Variants in FOXP1 observed in about 807,000 individuals in gnomAD.
FOXP1 encodes forkhead box P1.
In FOXP1, 15 loss-of-function variants were observed where a neutral mutation model predicts 98.2. The ratio of observed to expected loss-of-function variants is 0.15; its 90% CI spans 0.10 to 0.24. FOXP1 has a LOEUF of 0.24. FOXP1 is among the 10% of genes least tolerant of loss of function. FOXP1 has a pLI of 1.00. For synonymous variants in FOXP1, 371 were observed against 314.5 expected (o/e 1.18, Z -1.90); for missense variants, 633 against 848.5 (o/e 0.75, Z 3.15).
chr3:71,278,667 G>A (rs1359161413), intron 5 of FOXP1, among the ~76,000 whole-genome samples: 1 of 152,158 alleles, frequency 6.6e-6, no homozygotes, highest in Non-Finnish European at 1.5e-5. Flanking sequence ...TGTAATCACA[G>A]CTATGCAGGA....
chr3:70,967,194 G>A (rs944223355), intron 19 of FOXP1, among the ~76,000 whole-genome samples: 2 of 152,170 alleles, frequency 1.3e-5, no homozygotes, highest in East Asian at 1.9e-4. Flanking sequence ...ACAAGAGTCC[G>A]AACTATTCTA....
At chr3:71,384,744 A>C (rs1044139695) in intron 3 of FOXP1, among the ~76,000 whole-genome samples, 5 of 152,180 alleles carry the variant, frequency 3.3e-5, no homozygotes, top group African/African-American at 1.2e-4. Context: ...TGAGTGGTGG[A>C]GTGGGTGGCA....
At chr3:71,156,125 A>G (rs1239544460) in intron 6 of FOXP1, among the ~76,000 whole-genome samples, 1 of 152,186 alleles carries the variant, frequency 6.6e-6, no homozygotes, top group Non-Finnish European at 1.5e-5. Context: ...GGACTGCTGA[A>G]CGACTGAGTG....
At chr3:71,023,207 A>G (rs1464407982) in intron 11 of FOXP1, among the ~76,000 whole-genome samples, 1 of 152,222 alleles carries the variant, frequency 6.6e-6, no homozygotes, top group Non-Finnish European at 1.5e-5. Flanking sequence ...CTTTGTTGAC[A>G]AAAGACTTCC....
At chr3:71,221,082 G>T (rs2065343981) in intron 5 of FOXP1, among the ~76,000 whole-genome samples, 1 of 152,154 alleles carries the variant, frequency 6.6e-6, no homozygotes, top group African/African-American at 2.4e-5. Flanking sequence ...TCTGGGGCCT[G>T]TTAGGAACCG....
chr3:71,393,533 C>A (rs1245172317), intron 3 of FOXP1, among the ~76,000 whole-genome samples: 2 of 152,104 alleles, frequency 1.3e-5, no homozygotes, highest in African/African-American at 4.8e-5. Context: ...TCTATAAAAC[C>A]TGCCTTTAAA....
At chr3:71,272,409 G>A (rs529362392) in intron 5 of FOXP1, among the ~76,000 whole-genome samples, 1 of 152,224 alleles carries the variant, frequency 6.6e-6, no homozygotes, top group Non-Finnish European at 1.5e-5. Flanking sequence ...AAACCAGTAT[G>A]GCCCTTACCA....
chr3:71,028,549 T>C (rs2046436187), intron 11 of FOXP1, among the ~76,000 whole-genome samples: 1 of 152,222 alleles, frequency 6.6e-6, no homozygotes, highest in Admixed American at 6.5e-5. Context: ...GCTACAGGTA[T>C]CGACAACAGC....
chr3:71,047,864 G>A (rs779717592), intron 9 of FOXP1, among the ~76,000 whole-genome samples: 2 of 152,082 alleles, frequency 1.3e-5, no homozygotes, highest in Non-Finnish European at 2.9e-5. Flanking sequence ...ATATCTTTTT[G>A]TTGATTGGAC....
intron 6 of FOXP1, among the ~76,000 whole-genome samples, chr3:71,144,593 C>T (rs1367111575): frequency 6.6e-6 from 1 of 152,140 alleles, no homozygotes; most frequent in East Asian, 1.9e-4. Flanking sequence ...TAAAAATGAC[C>T]ACAAGTGTTC....
chr3:71,022,311 T>C (rs940587195), intron 11 of FOXP1, among the ~76,000 whole-genome samples: 1 of 152,204 alleles, frequency 6.6e-6, no homozygotes, highest in African/African-American at 2.4e-5. Flanking sequence ...CTTAGATTTC[T>C]TTTTCCCCAA....
chr3:71,414,033 G>A (rs1431281885), intron 3 of FOXP1, among the ~76,000 whole-genome samples: 5 of 151,864 alleles, frequency 3.3e-5, no homozygotes. Flanking sequence ...CCCTTCCTAG[G>A]CTGCGGAGGC....
At chr3:70,968,219 A>G (rs952295287) in intron 19 of FOXP1, 4 of 152,062 alleles carry the variant, frequency 2.6e-5, no homozygotes, top group African/African-American at 9.7e-5. Flanking sequence ...TGTCCCTTGA[A>G]AAAATGATCA....
chr3:71,027,369 A>AC (rs1691898535), intron 11 of FOXP1, among the ~76,000 whole-genome samples: 1 of 152,228 alleles, frequency 6.6e-6, no homozygotes, highest in Non-Finnish European at 1.5e-5. Context: ...GCAGAACCAT[A>AC]CACAAGGGCC....
rs1417925517 is a variant in FOXP1, at chr3:70,958,313, T to C, written c.*934A>G. 4 of 533,024 alleles carry C rather than the reference T, an allele frequency of 7.5e-6. No individual in the cohort carries two copies. Among genetic ancestry groups the C allele is most frequent in the Non-Finnish European group, 1.5e-5 (4 of 275,714 alleles). The allele number at this position is 533,024 out of a possible 1,614,324, so 33.0% of individuals were successfully genotyped here. A position where few individuals can be genotyped will look rare whatever the true frequency, so the allele number is the denominator to read the frequency against. ...CATTGTTCCTAGAGTTTGTCTCTCT[T>C]TTTTTTTTCTGTCATTCATTCTCTT... On this transcript the variant is annotated 3_prime_UTR_variant, in exon 21 of 21. Coordinates refer to ENST00000649528, the MANE Select transcript of FOXP1 (RefSeq NM_001349338.3).
At chr3:71,055,419 G>A (rs1171401872) in intron 7 of FOXP1, among the ~76,000 whole-genome samples, 1 of 152,152 alleles carries the variant, frequency 6.6e-6, no homozygotes, top group Non-Finnish European at 1.5e-5. Context: ...CCTTTTAAGT[G>A]TAGATGTAGA....
chr3:70,987,756 T>A (rs1051336265), intron 14 of FOXP1, among the ~76,000 whole-genome samples: 10 of 152,258 alleles, frequency 6.6e-5, no homozygotes, highest in Non-Finnish European at 1.3e-4. Context: ...AAAGAAGAGC[T>A]GGGTGCTTGA....
rs534533901 is a variant in FOXP1 at position 71,011,685 on chromosome 3, A to G, written c.974+3864T>C. Among the ~76,000 whole-genome samples the G allele has an allele frequency of 3.9e-5, 6 of 152,304 alleles. No homozygotes were observed. The South Asian group carries it at 1.0e-3, about 26-fold the overall frequency. On this transcript the variant is annotated intron_variant, in intron 12 of 20. Coordinates refer to ENST00000649528, the MANE Select transcript of FOXP1 (RefSeq NM_001349338.3). Reference sequence around the variant, plus strand: ...TACAAACAAAAGTCGTCTTACAAATATAAGTCAATAAATAAGTACCAGGAA... The same window carrying G: ...TACAAACAAAAGTCGTCTTACAAATGTAAGTCAATAAATAAGTACCAGGAA...
At chr3:71,182,888 C>T (rs1397791231) in intron 6 of FOXP1, among the ~76,000 whole-genome samples, 1 of 151,046 alleles carries the variant, frequency 6.6e-6, no homozygotes, top group Non-Finnish European at 1.5e-5. Context: ...CAGACCCCCC[C>T]AAAAAAAACC....
Sources: allele counts gnomAD v4.1 joint callset (sites outside exome capture counted in the v4.1 genomes callset), GRCh38; gene constraint gnomAD v4.1.1; transcripts MANE v1.5; gene names NCBI Gene and HGNC (gene_info 2026-07-23, HGNC 2026-07-21).